Variants in NCAM2 observed in about 807,000 individuals in gnomAD.
NCAM2 encodes N-CAM-2.
In NCAM2, 30 loss-of-function variants were observed where a neutral mutation model predicts 98.1. The observed-to-expected ratio is 0.31, with a 90% CI of 0.23 to 0.41. The LOEUF (loss-of-function observed/expected upper bound fraction) is 0.41, where lower values mean the gene tolerates loss of function less well. NCAM2 is among the 10% of genes least tolerant of loss of function. The probability of loss-of-function intolerance (pLI) is 1.00; values close to 1 mark genes in which losing one functional copy is unlikely to be tolerated. For synonymous variants in NCAM2, 368 were observed against 342.4 expected, an observed-to-expected ratio of 1.07 and a Z score of -0.83; for missense variants, 867 against 1,005.8, an observed-to-expected ratio of 0.86 and a Z score of 1.87.
chr21:21,311,411 G>A (rs1452665212), intron 5 of NCAM2, among the ~76,000 whole-genome samples: 3 of 138,646 alleles, frequency 2.2e-5, no homozygotes, highest in Non-Finnish European at 4.5e-5. Context: ...TGCAATCTCC[G>A]CTCACTGCAA....
In NCAM2 at chr21:21,044,841, T is replaced by C. The variant is rs1233251608; in HGVS notation, c.55+46223T>C. Among the ~76,000 whole-genome samples the C allele has an allele frequency of 3.3e-5, 5 of 152,168 alleles. No individual in the cohort carries two copies. In the East Asian group the frequency reaches 5.8e-4, roughly 18 times the overall value. Reference sequence around the variant, plus strand: ...TTTGTTGGGCATGGTGGCGTGCATCTGTGGTTCTGGCTACTTAGGAGGCTG... The same window carrying C: ...TTTGTTGGGCATGGTGGCGTGCATCCGTGGTTCTGGCTACTTAGGAGGCTG... On this transcript the variant is annotated intron_variant, in intron 1 of 17. Coordinates refer to ENST00000400546, the MANE Select transcript of NCAM2 (RefSeq NM_004540.5).
Position 21,123,542 on chromosome 21 carries a change from A to G in NCAM2, c.55+124924A>G, listed in dbSNP as rs554771994. ...TCCCACCCCCGTGGTGAGGAATTGT[A>G]ACACACTGGTTCCCGAGATCAACCT... On this transcript the variant is annotated intron_variant, in intron 1 of 17. Transcript: ENST00000400546. 1.4e-4 allele frequency among the ~76,000 whole-genome samples: 22 copies of G among 152,272 alleles called. No homozygotes were observed. The South Asian group carries it at 4.6e-3, about 32-fold the overall frequency.
At chr21:21,147,072 C>T in intron 1 of NCAM2, 1 of 969,644 alleles carries the variant, frequency 1.0e-6, no homozygotes. Context: ...TACTCCGGAA[C>T]TGATACCCTT....
intron 12 of NCAM2, among the ~76,000 whole-genome samples, chr21:21,459,738 G>A (rs1273945414): frequency 6.6e-6 from 1 of 151,634 alleles, no homozygotes; most frequent in African/African-American, 2.4e-5. Flanking sequence ...GATAAGGGAA[G>A]TGAAGAAATG....
chr21:21,345,594 A>G (rs1428154072), intron 8 of NCAM2, among the ~76,000 whole-genome samples: 8 of 152,044 alleles, frequency 5.3e-5, no homozygotes, highest in African/African-American at 7.2e-5. Flanking sequence ...AAAGAATAAA[A>G]AAAATGAAGC....
At chr21:21,398,892 A>G (rs2076571208) in intron 9 of NCAM2, among the ~76,000 whole-genome samples, 1 of 152,226 alleles carries the variant, frequency 6.6e-6, no homozygotes, top group African/African-American at 2.4e-5. Context: ...CAAACATGAG[A>G]GATGAGAGTT....
chr21:21,535,227 G>A (rs1989920910), intron 17 of NCAM2, among the ~76,000 whole-genome samples: 1 of 151,938 alleles, frequency 6.6e-6, no homozygotes, highest in Non-Finnish European at 1.5e-5. Context: ...ATCAAAAGCT[G>A]AAAAGATGAA....
intron 1 of NCAM2, among the ~76,000 whole-genome samples, chr21:21,132,629 A>T (rs558693680): frequency 1.3e-5 from 2 of 152,178 alleles, no homozygotes; most frequent in Admixed American, 1.3e-4. Flanking sequence ...ACTAAATTCC[A>T]TAAGCCTTAC....
At chr21:21,286,118 T>C (rs1304435426) in intron 3 of NCAM2, 151 bp from the exon 4 acceptor site, 46 of 811,376 alleles carry the variant, frequency 5.7e-5, no homozygotes, top group Non-Finnish European at 7.7e-5. Flanking sequence ...TAGGGAGAAG[T>C]AGATTATCTA....
At chr21:21,165,858 G>T (rs1252600609) in intron 1 of NCAM2, among the ~76,000 whole-genome samples, 2 of 152,062 alleles carry the variant, frequency 1.3e-5, no homozygotes, top group Non-Finnish European at 2.9e-5. Context: ...CATTATCTCT[G>T]GGTTATAAGT....
At chr21:21,166,101 A>G (rs1036750642) in intron 1 of NCAM2, among the ~76,000 whole-genome samples, 4 of 152,252 alleles carry the variant, frequency 2.6e-5, no homozygotes, top group African/African-American at 7.2e-5. Context: ...ACAAGGCAAT[A>G]CATATTTGTA....
chr21:21,174,925 G>A (rs890517153), intron 1 of NCAM2, among the ~76,000 whole-genome samples: 1 of 152,088 alleles, frequency 6.6e-6, no homozygotes. Flanking sequence ...TTTCTAAGGA[G>A]TGGGAATCTA....
Position 21,140,626 on chromosome 21 carries a change from C to G in NCAM2, c.56-139952C>G, listed in dbSNP as rs147347017. Reference sequence around the variant, plus strand: ...GTAGGACCACCAGGGTCCAGAATCTCATACCCTGATTTACAGCTGTTATTT... The same window carrying G: ...GTAGGACCACCAGGGTCCAGAATCTGATACCCTGATTTACAGCTGTTATTT... On this transcript the variant is annotated intron_variant, in intron 1 of 17. Coordinates refer to ENST00000400546, the MANE Select transcript of NCAM2 (RefSeq NM_004540.5). Among the ~76,000 whole-genome samples the G allele has an allele frequency of 2.0e-3, 300 of 152,258 alleles. 1 individual carries two copies. Among genetic ancestry groups the G allele is most frequent in the African/African-American group, 7.0e-3 (290 of 41,552 alleles).
At chr21:21,231,417 G>A (rs2070620637) in intron 1 of NCAM2, among the ~76,000 whole-genome samples, 1 of 151,002 alleles carries the variant, frequency 6.6e-6, no homozygotes, top group Non-Finnish European at 1.5e-5. Context: ...TTCACTTTTG[G>A]AAAAAGAAAC....
intron 1 of NCAM2, among the ~76,000 whole-genome samples, chr21:21,000,394 A>G (rs950469051): frequency 6.6e-6 from 1 of 152,186 alleles, no homozygotes; most frequent in Non-Finnish European, 1.5e-5. Context: ...TGGAATCTGA[A>G]TTTATCATTG....
Position 21,410,451 on chromosome 21 carries a change from T to A in NCAM2, c.1373T>A (p.Met458Lys). The change falls in exon 10 of 18, where the codon ATG becomes AAG. Residue 458 changes from methionine to lysine, a missense_variant. By Grantham distance (95) the Met-to-Lys change is moderately conservative. Coordinates refer to ENST00000400546, the MANE Select transcript of NCAM2 (RefSeq NM_004540.5). ...AAGACTTATAGTACAGGAAGAAAGA[T>A]GATATTAGAGGTAAGTCCACATGTA... ...NLKTYSTGRK[M>K]ILEIAPTSDN... is the part of the protein sequence containing the mutation. 1 of 1,550,824 alleles carries A rather than the reference T, an allele frequency of 6.4e-7. No individual in the cohort carries two copies. Among genetic ancestry groups the A allele is most frequent in the Non-Finnish European group, 8.7e-7 (1 of 1,148,898 alleles).
chr21:21,220,459 G>A (rs1361222308), intron 1 of NCAM2, among the ~76,000 whole-genome samples: 1 of 152,092 alleles, frequency 6.6e-6, no homozygotes, highest in East Asian at 1.9e-4. Flanking sequence ...ACACAGCCTA[G>A]GTTTGTAGTA....
chr21:21,274,505 G>T (rs555624479), intron 1 of NCAM2, among the ~76,000 whole-genome samples: 8 of 152,184 alleles, frequency 5.3e-5, no homozygotes, highest in African/African-American at 1.7e-4. Context: ...CTGTTGTAAT[G>T]CACTGTTATA....
At chr21:21,279,622 G>T (rs1049042918) in intron 1 of NCAM2, among the ~76,000 whole-genome samples, 1 of 152,198 alleles carries the variant, frequency 6.6e-6, no homozygotes, top group Non-Finnish European at 1.5e-5. Flanking sequence ...CTCCCAAAGT[G>T]CTGGGATTAC....
Sources: allele counts gnomAD v4.1 joint callset (sites outside exome capture counted in the v4.1 genomes callset), GRCh38; gene constraint gnomAD v4.1.1; transcripts MANE v1.5; gene names NCBI Gene and HGNC (gene_info 2026-07-23, HGNC 2026-07-21).